Variants in SEMA6D observed in about 807,000 individuals in gnomAD.
SEMA6D encodes the protein semaphorin 6D.
In SEMA6D, 35 loss-of-function variants were observed where a neutral mutation model predicts 106.6. That is an observed-to-expected ratio of 0.33 (90% confidence interval 0.25 to 0.44). The LOEUF (loss-of-function observed/expected upper bound fraction) is 0.44. SEMA6D is among the 20% of genes least tolerant of loss of function. The pLI is 1.00. For synonymous variants in SEMA6D, 499 were observed against 487.7 expected, an observed-to-expected ratio of 1.02 and a Z score of -0.31; for missense variants, 1,185 against 1,345.9, an observed-to-expected ratio of 0.88 and a Z score of 1.87.
At chr15:47,400,822 G>A (rs2040375352) in intron 1 of SEMA6D, among the ~76,000 whole-genome samples, 1 of 152,170 alleles carries the variant, frequency 6.6e-6, no homozygotes, top group Admixed American at 6.5e-5. Context: ...TTCAAGACCT[G>A]TACTTAAATA....
At chr15:47,409,853 G>C (rs958145838) in intron 1 of SEMA6D, among the ~76,000 whole-genome samples, 1 of 142,986 alleles carries the variant, frequency 7.0e-6, no homozygotes, top group East Asian at 2.4e-4. Flanking sequence ...AGGAGCAAAT[G>C]CATCACAAGT....
chr15:47,621,067 C>T (rs1242486837), intron 4 of SEMA6D, among the ~76,000 whole-genome samples: 3 of 152,152 alleles, frequency 2.0e-5, no homozygotes, highest in African/African-American at 7.2e-5. Flanking sequence ...CTCTTACATC[C>T]TTGTTAGTTC....
intron 1 of SEMA6D, among the ~76,000 whole-genome samples, chr15:47,331,541 A>G (rs1375793585): frequency 6.6e-6 from 1 of 152,186 alleles, no homozygotes; most frequent in East Asian, 1.9e-4. Context: ...TATAAAATAT[A>G]TACAGTGTTA....
chr15:47,496,291 G>A lies in SEMA6D; in HGVS notation c.-87+25746G>A, dbSNP rs140008014. Among the ~76,000 whole-genome samples the A allele has an allele frequency of 4.7e-4, 72 of 152,122 alleles. 1 individual carries two copies. The highest frequency in any genetic ancestry group is 1.7e-3 in the African/African-American group (70 of 41,534). On this transcript the variant is annotated intron_variant, in intron 3 of 19. Transcript: ENST00000558014. ...AAGTGCTGGTGCTATTTAAGCAGGG[G>A]CCATTCAACCACTGACTCACAGAAT...
intron 3 of SEMA6D, chr15:47,581,274 G>T: frequency 2.2e-6 from 1 of 456,744 alleles, no homozygotes; most frequent in Non-Finnish European, 4.3e-6. Context: ...TTCTCCATAA[G>T]TCCTGTGGTT....
Position 47,768,608 on chromosome 15 carries a change from C to T in SEMA6D, c.1793C>T (p.Thr598Ile). 6.2e-7 allele frequency: 1 copy of T among 1,612,584 alleles called. No homozygotes were observed. The highest frequency in any genetic ancestry group is 8.5e-7 in the Non-Finnish European group (1 of 1,179,040). ...ATGGAGGTATCTTCATCTTCTGTTA[C>T]CACAATGGCAAGTATCCCAGAAATC... ...SDMEVSSSSV[T>I]TMASIPEITP... is the part of the protein sequence containing the mutation. The change falls in exon 18 of 19, where the codon ACC becomes ATC. Residue 598 changes from threonine to isoleucine, a missense_variant. Physicochemically the swap from Thr to Ile is moderately conservative, Grantham distance 89 (BLOSUM62 -1). Coordinates refer to ENST00000536845, the MANE Select transcript of SEMA6D (RefSeq NM_001358351.3).
intron 1 of SEMA6D, among the ~76,000 whole-genome samples, chr15:47,189,040 T>C (rs1397961286): frequency 6.6e-6 from 1 of 152,234 alleles, no homozygotes. Flanking sequence ...CTAAATCTTT[T>C]AATTTTCTGG....
At chr15:47,382,776 G>C (rs1026615183) in intron 1 of SEMA6D, among the ~76,000 whole-genome samples, 1 of 152,106 alleles carries the variant, frequency 6.6e-6, no homozygotes, top group Admixed American at 6.5e-5. Context: ...GTACCATTTG[G>C]TGAAGACAAG....
intron 4 of SEMA6D, among the ~76,000 whole-genome samples, chr15:47,623,779 T>C (rs1011542844): frequency 2.6e-5 from 4 of 152,210 alleles, no homozygotes; most frequent in Non-Finnish European, 5.9e-5. Flanking sequence ...TTTCAGAGTA[T>C]TTTGTAGCCC....
At chr15:47,324,797 T>A (rs569786961) in intron 1 of SEMA6D, among the ~76,000 whole-genome samples, 45 of 152,010 alleles carry the variant, frequency 3.0e-4, no homozygotes, top group African/African-American at 7.5e-4. Flanking sequence ...TATGTGTTTA[T>A]ATATATCTAG....
intron 1 of SEMA6D, among the ~76,000 whole-genome samples, chr15:47,320,305 C>T (rs1159031865): frequency 6.6e-6 from 1 of 152,148 alleles, no homozygotes; most frequent in Non-Finnish European, 1.5e-5. Context: ...CTTGGTACCC[C>T]TGGCTAGAGA....
intron 1 of SEMA6D, among the ~76,000 whole-genome samples, chr15:47,365,890 G>GAGGAGAGAGAGAGAGA (rs1346586280): frequency 8.4e-6 from 1 of 119,746 alleles, no homozygotes; most frequent in African/African-American, 3.7e-5. Context: ...GAGAGAGAGA[G>GAGGAGAGAGAGAGAGA]GAGAGAGAGA....
chr15:47,454,599 G>GCACACACACACACACACA (rs71118183), intron 2 of SEMA6D, among the ~76,000 whole-genome samples: 54 of 148,990 alleles, frequency 3.6e-4, no homozygotes, highest in African/African-American at 1.2e-3. Context: ...TTGCACATGT[G>GCACACACACACACACACA]CACACACACA....
chr15:47,448,442 G>C (rs142932917), intron 2 of SEMA6D, among the ~76,000 whole-genome samples: 28 of 152,210 alleles, frequency 1.8e-4, no homozygotes, highest in African/African-American at 6.7e-4. Flanking sequence ...TGATCCATTA[G>C]TGATGGGGCA....
chr15:47,289,474 G>A (rs2035512244), intron 1 of SEMA6D, among the ~76,000 whole-genome samples: 1 of 151,284 alleles, frequency 6.6e-6, no homozygotes, highest in Non-Finnish European at 1.5e-5. Flanking sequence ...ATAATCTTAA[G>A]GTAATCTAAT....
intron 1 of SEMA6D, among the ~76,000 whole-genome samples, chr15:47,333,479 G>A (rs1300018178): frequency 6.6e-6 from 1 of 152,092 alleles, no homozygotes; most frequent in African/African-American, 2.4e-5. Flanking sequence ...TGTCCATTTT[G>A]TAAGGGCTTA....
At chr15:47,734,980 T>G (rs2080359076) in intron 1 of SEMA6D, among the ~76,000 whole-genome samples, 1 of 152,198 alleles carries the variant, frequency 6.6e-6, no homozygotes, top group African/African-American at 2.4e-5. Context: ...TTTGGATCTG[T>G]CCTTTTGTTT....
At chr15:47,333,287 G>A (rs2037416806) in intron 1 of SEMA6D, among the ~76,000 whole-genome samples, 1 of 152,104 alleles carries the variant, frequency 6.6e-6, no homozygotes, top group Non-Finnish European at 1.5e-5. Flanking sequence ...GCACATTGTT[G>A]TGAAGTGTAT....
chr15:47,335,217 A>C (rs1470111549), intron 1 of SEMA6D, among the ~76,000 whole-genome samples: 2 of 152,156 alleles, frequency 1.3e-5, no homozygotes, highest in African/African-American at 4.8e-5. Flanking sequence ...TCCCTGAGGA[A>C]CCTGTTTTAA....
Sources: gnomAD v4.1 joint callset for allele counts (sites outside exome capture counted in the v4.1 genomes callset) on GRCh38, gnomAD v4.1.1 for gene constraint, MANE v1.5 for transcripts, NCBI Gene and HGNC (gene_info 2026-07-23, HGNC 2026-07-21) for gene names.